The following NLGN1 variants were observed in gnomAD, a reference collection of about 807,000 sequenced individuals.
NLGN1 encodes neuroligin 1.
A neutral mutation model predicts 65.5 loss-of-function variants in NLGN1; 12 were observed. The observed-to-expected ratio is 0.18, with a 90% CI of 0.12 to 0.30. The LOEUF is 0.30. NLGN1 is among the 10% of genes least tolerant of loss of function. The pLI, the probability that NLGN1 is intolerant of heterozygous loss-of-function variation, is 1.00. For synonymous variants in NLGN1, 350 were observed against 359.5 expected, an observed-to-expected ratio of 0.97 and a Z score of 0.30; for missense variants, 750 against 1,007.1, an observed-to-expected ratio of 0.74 and a Z score of 3.46.
chr3:174,122,963 G>A (rs1485243343), intron 4 of NLGN1, among the ~76,000 whole-genome samples: 3 of 151,750 alleles, frequency 2.0e-5, no homozygotes, highest in Non-Finnish European at 2.9e-5. Context: ...AATGAGACAA[G>A]GAGAAAGCTT....
At chr3:174,195,812 G>A (rs1475910433) in intron 4 of NLGN1, among the ~76,000 whole-genome samples, 1 of 151,940 alleles carries the variant, frequency 6.6e-6, no homozygotes, top group South Asian at 2.1e-4. Context: ...CCTTCTTCAG[G>A]GGAAATTAAG....
intron 4 of NLGN1, among the ~76,000 whole-genome samples, chr3:174,055,959 A>G (rs1735980575): frequency 1.3e-5 from 2 of 151,528 alleles, no homozygotes; most frequent in Non-Finnish European, 2.9e-5. Flanking sequence ...TCTCTGTCCT[A>G]GTAGAATCTG....
intron 2 of NLGN1, among the ~76,000 whole-genome samples, chr3:173,547,653 G>T (rs980022350): frequency 1.5e-4 from 23 of 152,134 alleles, no homozygotes; most frequent in African/African-American, 5.5e-4. Flanking sequence ...TTCATACTAG[G>T]TATTATGTGT....
At chr3:173,734,936 G>C (rs1773506915) in intron 3 of NLGN1, among the ~76,000 whole-genome samples, 1 of 152,026 alleles carries the variant, frequency 6.6e-6, no homozygotes, top group African/African-American at 2.4e-5. Flanking sequence ...ATTATGTACA[G>C]GTCTCCATCT....
intron 4 of NLGN1, among the ~76,000 whole-genome samples, chr3:174,151,195 G>A (rs1405263303): frequency 6.6e-6 from 1 of 151,540 alleles, no homozygotes; most frequent in African/African-American, 2.4e-5. Flanking sequence ...TTGAAACATT[G>A]GATTATATAA....
chr3:173,398,448 C>T (rs975497345), exon 1 of NLGN1: 1 of 152,128 alleles, frequency 6.6e-6, no homozygotes, highest in African/African-American at 2.4e-5. Flanking sequence ...ACATTTAAAC[C>T]GTTCTCCACC....
intron 4 of NLGN1, among the ~76,000 whole-genome samples, chr3:174,126,704 T>C (rs1423957974): frequency 1.3e-5 from 2 of 152,124 alleles, no homozygotes; most frequent in Non-Finnish European, 2.9e-5. Flanking sequence ...GCAAATGCCA[T>C]ATTGGAAAAC....
Position 174,180,141 on chromosome 3 carries a change from A to G in NLGN1, c.647-95174A>G, listed in dbSNP as rs536529624. Among the ~76,000 whole-genome samples the G allele has an allele frequency of 3.7e-4, 56 of 152,284 alleles. No homozygotes were observed. The South Asian group carries it at 7.9e-3, about 21-fold the overall frequency. On this transcript the variant is annotated intron_variant, in intron 4 of 6. Coordinates refer to ENST00000457714, the Ensembl canonical transcript of NLGN1. ...TAAGGAGGCGAAAGAGTCACAGAAGAGTTACAAATGAAAGAAAAATTAAAC... is the reference window on the plus strand; with the variant it reads ...TAAGGAGGCGAAAGAGTCACAGAAGGGTTACAAATGAAAGAAAAATTAAAC...
At chr3:174,206,442 CTACACCAGGG>C (rs1577354804) in intron 4 of NLGN1, among the ~76,000 whole-genome samples, 1 of 152,104 alleles carries the variant, frequency 6.6e-6, no homozygotes, top group East Asian at 1.9e-4. Context: ...TTACCTCATA[CTACACCAGGG>C]GGTTCATAGC....
intron 3 of NLGN1, among the ~76,000 whole-genome samples, chr3:173,708,126 T>C (rs1032826470): frequency 6.6e-6 from 1 of 152,184 alleles, no homozygotes; most frequent in Admixed American, 6.5e-5. Flanking sequence ...TCTAATCATA[T>C]ATAGTCCTGC....
At chr3:174,276,479 A>G (rs1750610632) in intron 5 of NLGN1, among the ~76,000 whole-genome samples, 1 of 151,924 alleles carries the variant, frequency 6.6e-6, no homozygotes. Context: ...TTAATTTCTG[A>G]TCTTTTATTG....
intron 4 of NLGN1, among the ~76,000 whole-genome samples, chr3:173,981,506 T>C (rs1718772615): frequency 1.3e-5 from 2 of 152,114 alleles, no homozygotes; most frequent in Admixed American, 1.3e-4. Flanking sequence ...ACTCCAACTA[T>C]TTCTATATTA....
intron 2 of NLGN1, among the ~76,000 whole-genome samples, chr3:173,565,518 T>G (rs1743497689): frequency 6.6e-6 from 1 of 152,136 alleles, no homozygotes. Context: ...TATATCTACT[T>G]CTAATAATTA....
Position 174,040,484 on chromosome 3 carries a change from A to T in NLGN1, c.646+232652A>T, listed in dbSNP as rs186223897. On this transcript the variant is annotated intron_variant, in intron 4 of 6. Coordinates refer to ENST00000457714, the Ensembl canonical transcript of NLGN1. ...ATAAAATAACTGACACTCATTAAAGACCAAATTTGTGTAGGGCACCTCATT... is the reference window on the plus strand; with the variant it reads ...ATAAAATAACTGACACTCATTAAAGTCCAAATTTGTGTAGGGCACCTCATT... Among the ~76,000 whole-genome samples the T allele has an allele frequency of 6.6e-5, 10 of 152,326 alleles. No individual in the cohort carries two copies. The South Asian group carries it at 8.3e-4, about 13-fold the overall frequency.
At chr3:174,210,013 CT>C in intron 4 of NLGN1, among the ~76,000 whole-genome samples, 1 of 152,292 alleles carries the variant, frequency 6.6e-6, no homozygotes, top group Middle Eastern at 3.4e-3. Context: ...ATCTTTCTTT[CT>C]AGGCACACCA....
rs540928596 is a variant in NLGN1 at position 174,214,421 on chromosome 3, AAC to A, written c.647-60892_647-60891del. Among the ~76,000 whole-genome samples the A allele has an allele frequency of 4.2e-3, 633 of 152,320 alleles. 4 individuals are homozygous for A. The highest frequency in any genetic ancestry group is 6.8e-3 in the Middle Eastern group (2 of 294). On this transcript the variant is annotated intron_variant, in intron 4 of 6. Coordinates refer to ENST00000457714, the Ensembl canonical transcript of NLGN1. ...TCTTAGCCTTCTTTGCTCATGCAAC[AAC>A]AGTGTTCCCTATTAAATATGTTAAT...
intron 4 of NLGN1, among the ~76,000 whole-genome samples, chr3:173,930,281 T>A (rs1301097917): frequency 1.3e-5 from 2 of 152,220 alleles, no homozygotes; most frequent in Admixed American, 6.5e-5. Flanking sequence ...TATTTATTAT[T>A]TTTTAGCACC....
At chr3:174,221,584 C>T (rs939368735) in intron 4 of NLGN1, among the ~76,000 whole-genome samples, 1 of 146,360 alleles carries the variant, frequency 6.8e-6, no homozygotes, top group Admixed American at 7.2e-5. Flanking sequence ...ATAAGTTATA[C>T]TTAAATAAAC....
intron 4 of NLGN1, among the ~76,000 whole-genome samples, chr3:173,889,484 C>T (rs1051117559): frequency 2.0e-5 from 3 of 152,142 alleles, no homozygotes; most frequent in African/African-American, 7.2e-5. Context: ...AGCTCAATGG[C>T]ATGACCATTT....
Sources: allele counts gnomAD v4.1 joint callset (sites outside exome capture counted in the v4.1 genomes callset), GRCh38; gene constraint gnomAD v4.1.1; transcripts MANE v1.5; gene names NCBI Gene and HGNC (gene_info 2026-07-23, HGNC 2026-07-21).